Variants in ADAMTS3 observed in about 807,000 individuals in gnomAD.
ADAMTS3 encodes A disintegrin and metalloproteinase with thrombospondin motifs 3.
In ADAMTS3, 73 loss-of-function variants were observed where a neutral mutation model predicts 129.0. That is an observed-to-expected ratio of 0.57 (90% CI 0.47 to 0.69). The LOEUF (loss-of-function observed/expected upper bound fraction) is 0.69. ADAMTS3 is among the 30% of genes least tolerant of loss of function. The pLI, the probability that ADAMTS3 is intolerant of heterozygous loss-of-function variation, is 0.00. For synonymous variants in ADAMTS3, 477 were observed against 510.8 expected, an observed-to-expected ratio of 0.93 and a Z score of 0.89; for missense variants, 1,457 against 1,514.5, an observed-to-expected ratio of 0.96 and a Z score of 0.63.
intron 5 of ADAMTS3, among the ~76,000 whole-genome samples, chr4:72,327,831 ATCT>A (rs1227442400): frequency 6.6e-6 from 1 of 152,212 alleles, no homozygotes; most frequent in Admixed American, 6.5e-5. Flanking sequence ...TCTTTTCATA[ATCT>A]TCTTTAGGTA....
chr4:72,508,497 T>C (rs1458472671), intron 3 of ADAMTS3, among the ~76,000 whole-genome samples: 1 of 152,104 alleles, frequency 6.6e-6, no homozygotes, highest in Non-Finnish European at 1.5e-5. Flanking sequence ...TTTAAATACG[T>C]TTCATTTCCT....
At chr4:72,506,831 C>T (rs1356621719) in intron 3 of ADAMTS3, among the ~76,000 whole-genome samples, 1 of 152,170 alleles carries the variant, frequency 6.6e-6, no homozygotes, top group African/African-American at 2.4e-5. Context: ...CCACATTTTC[C>T]CCCACCAGGA....
intron 2 of ADAMTS3, among the ~76,000 whole-genome samples, chr4:72,562,060 A>G (rs1279604267): frequency 6.6e-6 from 1 of 152,226 alleles, no homozygotes; most frequent in Non-Finnish European, 1.5e-5. Context: ...TGTATGAGGT[A>G]GATGAGTCTT....
intron 20 of ADAMTS3, among the ~76,000 whole-genome samples, chr4:72,290,537 A>T (rs904790620): frequency 6.6e-6 from 1 of 152,192 alleles, no homozygotes; most frequent in Non-Finnish European, 1.5e-5. Flanking sequence ...TGCAGTGCCA[A>T]ATGGTGCTGG....
chr4:72,548,599 T>C lies in ADAMTS3; in HGVS notation c.383A>G (p.Gln128Arg). Reference sequence around the variant, plus strand: ...GATTCTATACGTAGCACTTCCTGGTTGATGGTTGTTAATGGGATCGGTTAT... The same window carrying C: ...GATTCTATACGTAGCACTTCCTGGTCGATGGTTGTTAATGGGATCGGTTAT... ...GNITDPINNH[Q>R]PGSATYRIRR... Residue 128 changes from glutamine (Q) to arginine (R), a missense_variant, in exon 3 of 22, where the codon CAA (glutamine) becomes CGA (arginine). Gln to Arg is a conservative substitution (Grantham distance 43, BLOSUM62 1). Coordinates refer to ENST00000286657, the MANE Select transcript of ADAMTS3 (RefSeq NM_014243.3). 5 of 1,613,994 alleles carry C rather than the reference T, an allele frequency of 3.1e-6. No individual in the cohort carries two copies. The highest frequency in any genetic ancestry group is 4.2e-6 in the Non-Finnish European group (5 of 1,179,912).
chr4:72,320,272 A>C (rs1364913523), intron 7 of ADAMTS3, among the ~76,000 whole-genome samples: 2 of 152,162 alleles, frequency 1.3e-5, no homozygotes, highest in Non-Finnish European at 2.9e-5. Context: ...CGTGGTACTG[A>C]TGAAGGAAGC....
chr4:72,448,545 A>G (rs138961274), intron 3 of ADAMTS3, among the ~76,000 whole-genome samples: 7 of 151,890 alleles, frequency 4.6e-5, no homozygotes, highest in African/African-American at 1.7e-4. Flanking sequence ...TATATGAGAG[A>G]AACTTGATGT....
chr4:72,398,574 A>T (rs1384247171), intron 4 of ADAMTS3, among the ~76,000 whole-genome samples: 1 of 151,992 alleles, frequency 6.6e-6, no homozygotes, highest in Non-Finnish European at 1.5e-5. Flanking sequence ...GACTCCATCT[A>T]AAATAAATAA....
chr4:72,455,620 T>TA (rs71215432), intron 3 of ADAMTS3, among the ~76,000 whole-genome samples: 6,133 of 134,718 alleles, frequency 0.046, 480 homozygotes, highest in African/African-American at 0.16. Flanking sequence ...CTTAAAGTAT[T>TA]AAAAAAAAAA....
chr4:72,317,650 A>G (rs1242207615), intron 10 of ADAMTS3, among the ~76,000 whole-genome samples: 1 of 152,172 alleles, frequency 6.6e-6, no homozygotes. Context: ...CACCAATCTT[A>G]TCAGATACAT....
rs1291409449 is a variant in ADAMTS3, at chr4:72,530,411, TA to T, written c.504+18066del. ...TAAATTAACATATATGAATTTAATA[TA>T]TAATATATATTAAATTAATATATGT... On this transcript the variant is annotated intron_variant, in intron 3 of 21. Coordinates refer to ENST00000286657, the MANE Select transcript of ADAMTS3 (RefSeq NM_014243.3). 2.1e-3 allele frequency among the ~76,000 whole-genome samples: 184 copies of T among 86,834 alleles called. 1 individual carries two copies. The highest frequency in any genetic ancestry group is 8.1e-3 in the African/African-American group (174 of 21,404). 57.0% of individuals were successfully genotyped at this position (86,834 alleles called of 152,430 possible).
intron 3 of ADAMTS3, among the ~76,000 whole-genome samples, chr4:72,466,939 T>C (rs1718937211): frequency 6.6e-6 from 1 of 152,088 alleles, no homozygotes; most frequent in Non-Finnish European, 1.5e-5. Flanking sequence ...AATGGTCCAT[T>C]AGAGATGATA....
chr4:72,424,073 G>A (rs1722513524), intron 3 of ADAMTS3, among the ~76,000 whole-genome samples: 1 of 152,078 alleles, frequency 6.6e-6, no homozygotes, highest in South Asian at 2.1e-4. Flanking sequence ...ATTAAGAGAT[G>A]TTAAATAAGA....
At position 72,411,932 on chromosome 4, in the gene ADAMTS3, C is replaced by G. The variant is rs182329580; in HGVS notation, c.661+2883G>C. On this transcript the variant is annotated intron_variant, in intron 4 of 21. Transcript: ENST00000286657. ...CCACTTGGTTCTATCTCTCCATCAT[C>G]TAGTTCAGGTCCTAATAGATTTTAA... 1.6e-4 allele frequency among the ~76,000 whole-genome samples: 24 copies of G among 152,208 alleles called. No individual in the cohort carries two copies. In the East Asian group the frequency reaches 3.9e-3, roughly 24 times the overall value.
chr4:72,348,169 C>T (rs78146395), intron 4 of ADAMTS3, among the ~76,000 whole-genome samples: 3,550 of 151,988 alleles, frequency 0.023, 143 homozygotes, highest in African/African-American at 0.081. Context: ...CAGCAATGGA[C>T]GAGACAAACA....
intron 15 of ADAMTS3, among the ~76,000 whole-genome samples, chr4:72,308,597 G>T (rs1264736658): frequency 1.3e-5 from 2 of 151,808 alleles, no homozygotes; most frequent in Non-Finnish European, 2.9e-5. Context: ...AGAAACATTT[G>T]CCAAATAAAT....
chr4:72,345,547 G>A (rs994040606), intron 4 of ADAMTS3, among the ~76,000 whole-genome samples: 3 of 152,220 alleles, frequency 2.0e-5, no homozygotes, highest in East Asian at 1.9e-4. Flanking sequence ...TTCACAAACT[G>A]AGAAATTCCA....
chr4:72,390,946 C>A (rs1721577430), intron 4 of ADAMTS3, among the ~76,000 whole-genome samples: 1 of 147,638 alleles, frequency 6.8e-6, no homozygotes, highest in Non-Finnish European at 1.5e-5. Flanking sequence ...CTTTTATATT[C>A]TGGGAAATGA....
intron 10 of ADAMTS3, among the ~76,000 whole-genome samples, chr4:72,316,842 T>A (rs1001031034): frequency 1.3e-5 from 2 of 152,150 alleles, no homozygotes; most frequent in Non-Finnish European, 2.9e-5. Flanking sequence ...ATATTTTCCA[T>A]ATATTTGATT....
Sources: gnomAD v4.1 joint callset for allele counts (sites outside exome capture counted in the v4.1 genomes callset) on GRCh38, gnomAD v4.1.1 for gene constraint, MANE v1.5 for transcripts, NCBI Gene and HGNC (gene_info 2026-07-23, HGNC 2026-07-21) for gene names.